The following P2RY8 variants were observed in gnomAD, a reference collection of about 807,000 sequenced individuals.
The protein encoded by P2RY8 is S-geranylgeranyl-glutathione receptor P2RY8.
Under a neutral mutation model 10.0 loss-of-function variants are expected in P2RY8, and 6 were observed. The observed-to-expected ratio is 0.60, with a 90% confidence interval of 0.33 to 1.19. P2RY8 has a LOEUF of 1.19. P2RY8 is among the 50% of genes most tolerant of loss of function. The pLI, the probability that P2RY8 is intolerant of heterozygous loss-of-function variation, is 0.04. For missense variants in P2RY8, 456 were observed against 542.0 expected (o/e 0.84, Z 1.58); for synonymous variants, 276 against 252.5 (o/e 1.09, Z -0.88).
chrX:1,465,496 G>A lies in P2RY8; in HGVS notation c.1063C>T (p.Gln355Ter), dbSNP rs759221933. 6.2e-7 allele frequency: 1 copy of A among 1,607,832 alleles called. No individual in the cohort carries two copies. The highest frequency in any genetic ancestry group is 8.5e-7 in the Non-Finnish European group (1 of 1,177,278). ...EGATRPGLQRQESVF is the reference protein window; with the variant it reads ...EGATRPGLQR ...CCCGGGACTCAGAACACACTCTCCT[G>A]CCTCTGGAGGCCGGGCCTGGTGGCT... The change falls in exon 2 of 2, where the codon CAG becomes TAG. Residue 355 changes from glutamine to a stop codon, truncating the protein, a stop_gained. Coordinates refer to ENST00000381297, the MANE Select transcript of P2RY8 (RefSeq NM_178129.5). LOFTEE classifies it high-confidence loss of function.
At chrX:1,468,743 T>C (rs1457875655) in intron 1 of P2RY8, among the ~76,000 whole-genome samples, 3 of 60,856 alleles carry the variant, frequency 4.9e-5, no homozygotes, top group South Asian at 6.5e-4. Flanking sequence ...CTCTCCTCTC[T>C]CCTCTCTCCC....
At chrX:1,469,901 TCAAAA>T (rs1569536510) in intron 1 of P2RY8, among the ~76,000 whole-genome samples, 1 of 151,742 alleles carries the variant, frequency 6.6e-6, no homozygotes, top group East Asian at 1.9e-4. Context: ...AGACTCTGTC[TCAAAA>T]CAAAACAAAA....
chrX:1,481,044 A>G (rs2149384402), intron 1 of P2RY8, among the ~76,000 whole-genome samples: 1 of 152,146 alleles, frequency 6.6e-6, no homozygotes, highest in East Asian at 1.9e-4. Flanking sequence ...GCCGGCCGAC[A>G]GGTCTCAGGG....
At chrX:1,497,835 T>C (rs2092132565) in intron 1 of P2RY8, among the ~76,000 whole-genome samples, 1 of 151,900 alleles carries the variant, frequency 6.6e-6, no homozygotes, top group South Asian at 2.1e-4. Context: ...TGGGACCGGC[T>C]TGGAGGCCTG....
intron 1 of P2RY8, among the ~76,000 whole-genome samples, chrX:1,472,004 G>C (rs1356975375): frequency 2.6e-5 from 4 of 152,032 alleles, no homozygotes; most frequent in Non-Finnish European, 5.9e-5. Flanking sequence ...CTTTTGATAG[G>C]GCTGCCTCAG....
chrX:1,486,022 C>G (rs2149387572), intron 1 of P2RY8, among the ~76,000 whole-genome samples: 1 of 152,230 alleles, frequency 6.6e-6, no homozygotes, highest in South Asian at 2.1e-4. Context: ...AGTTCAAGAC[C>G]AGCCTGGCCA....
At chrX:1,475,478 G>A (rs1350427678) in intron 1 of P2RY8, among the ~76,000 whole-genome samples, 1 of 152,042 alleles carries the variant, frequency 6.6e-6, no homozygotes, top group Non-Finnish European at 1.5e-5. Context: ...TCTCCAGGAT[G>A]GGGAGAGAAT....
In P2RY8 at chrX:1,481,821, G is replaced by A. The variant is rs780581704; in HGVS notation, c.-24-15239C>T. 3.9e-5 allele frequency among the ~76,000 whole-genome samples: 6 copies of A among 152,276 alleles called. No homozygotes were observed. In the East Asian group the frequency reaches 1.2e-3, roughly 29 times the overall value. On this transcript the variant is annotated intron_variant, in intron 1 of 1. Transcript: ENST00000381297. ...AGCTGGCAGGCGTCAGGGGATAGAG[G>A]ACCTGCTGGCGTCGGCCTCAGATCA...
At chrX:1,508,709 T>TC (rs1336070388) in intron 1 of P2RY8, among the ~76,000 whole-genome samples, 1 of 8,180 alleles carries the variant, frequency 1.2e-4, no homozygotes, top group Non-Finnish European at 3.1e-4. Context: ...ATCCATTCTA[T>TC]CTATCTATCT....
intron 1 of P2RY8, among the ~76,000 whole-genome samples, chrX:1,522,143 G>T (rs1247638586): frequency 6.9e-6 from 1 of 145,714 alleles, no homozygotes; most frequent in African/African-American, 2.8e-5. Flanking sequence ...TAGTAGAGAC[G>T]GGGGTTTCAC....
In P2RY8 at chrX:1,478,883, C is replaced by T. The variant is rs189229365; in HGVS notation, c.-24-12301G>A. Among the ~76,000 whole-genome samples the T allele has an allele frequency of 5.1e-3, 783 of 152,134 alleles. 7 individuals are homozygous for T. The highest frequency in any genetic ancestry group is 0.018 in the African/African-American group (733 of 41,496). On this transcript the variant is annotated intron_variant, in intron 1 of 1. Transcript: ENST00000381297. ...TATCATGGAATATACCAGAAGCCTC[C>T]TGCCCCCTGCTGTCTGCCTTTCTGG...
intron 1 of P2RY8, among the ~76,000 whole-genome samples, chrX:1,508,486 C>G (rs2092254934): frequency 6.6e-6 from 1 of 152,122 alleles, no homozygotes; most frequent in African/African-American, 2.4e-5. Flanking sequence ...TATCGGTTAT[C>G]CCCACATGAG....
chrX:1,498,419 A>G (rs1241816516), intron 1 of P2RY8, among the ~76,000 whole-genome samples: 2 of 151,314 alleles, frequency 1.3e-5, no homozygotes, highest in South Asian at 2.1e-4. Flanking sequence ...AAAAAAAAAA[A>G]AAAAGAAAAA....
intron 1 of P2RY8, among the ~76,000 whole-genome samples, chrX:1,529,210 C>T (rs1284208939): frequency 3.3e-5 from 5 of 152,080 alleles, no homozygotes; most frequent in South Asian, 2.1e-4. Flanking sequence ...TGGCTTGTAA[C>T]GACAGAGTCT....
At position 1,462,974 on chromosome X, in the gene P2RY8, T is replaced by C. The variant is rs2091605612; in HGVS notation, c.*2505A>G. On this transcript the variant is annotated 3_prime_UTR_variant, in exon 2 of 2. Coordinates refer to ENST00000381297, the MANE Select transcript of P2RY8 (RefSeq NM_178129.5). ...CAAGTGGCTGCAAAAATCATCATAC[T>C]GACAAAAAAAAAAAATCGACGCATT... The C allele has an allele frequency of 2.2e-5, 3 of 137,594 alleles. No individual in the cohort carries two copies. The highest frequency in any genetic ancestry group is 3.1e-5 in the African/African-American group (1 of 32,410). The allele number at this position is 137,594 out of a possible 1,614,324, so 8.5% of individuals were successfully genotyped here. A position where few individuals can be genotyped will look rare whatever the true frequency, so the allele number is the denominator to read the frequency against.
chrX:1,462,901 A>C lies in P2RY8; in HGVS notation c.*2578T>G, dbSNP rs779887915. ...CAGTGAACAGACTGAGTCAGCTTCC[A>C]GGAAACATCCACGGCTGTAAGAGGG... is the stretch of plus-strand genomic sequence containing the variant. On this transcript the variant is annotated 3_prime_UTR_variant, in exon 2 of 2. Coordinates refer to ENST00000381297, the MANE Select transcript of P2RY8 (RefSeq NM_178129.5). 1 of 232,032 alleles carries C rather than the reference A, an allele frequency of 4.3e-6. No individual in the cohort carries two copies. The highest frequency in any genetic ancestry group is 6.1e-5 in the East Asian group (1 of 16,420). The allele number at this position is 232,032 out of a possible 1,614,324, so 14.4% of individuals were successfully genotyped here.
intron 1 of P2RY8, among the ~76,000 whole-genome samples, chrX:1,491,008 G>A (rs2092041869): frequency 6.8e-6 from 1 of 146,034 alleles, no homozygotes. Context: ...ACAAATGTGG[G>A]GGGAATGAAT....
chrX:1,516,643 G>T (rs1159236966), intron 1 of P2RY8, among the ~76,000 whole-genome samples: 1 of 146,512 alleles, frequency 6.8e-6, no homozygotes, highest in Non-Finnish European at 1.5e-5. Context: ...GCCTACACCT[G>T]GATCTCAGAC....
At chrX:1,491,161 C>T (rs1315120666) in intron 1 of P2RY8, among the ~76,000 whole-genome samples, 2 of 146,706 alleles carry the variant, frequency 1.4e-5, no homozygotes, top group African/African-American at 5.1e-5. Context: ...AATGATACCC[C>T]AGATTCACTT....
Sources: allele counts gnomAD v4.1 joint callset (sites outside exome capture counted in the v4.1 genomes callset), GRCh38; gene constraint gnomAD v4.1.1; transcripts MANE v1.5; gene names NCBI Gene and HGNC (gene_info 2026-07-23, HGNC 2026-07-21).